The following EML1 variants were observed in gnomAD, a reference collection of about 807,000 sequenced individuals.
The protein encoded by EML1 is EMAP like 1, also known as echinoderm microtubule-associated protein-like 1.
In EML1, 27 loss-of-function variants were observed where a neutral mutation model predicts 110.4. That is an observed-to-expected ratio of 0.24 (90% CI 0.18 to 0.34). EML1 has a LOEUF of 0.34. Ranked by LOEUF, EML1 falls within the 10% of genes least tolerant of loss-of-function variation. The probability of loss-of-function intolerance (pLI) is 1.00; values close to 1 mark genes in which losing one functional copy is unlikely to be tolerated. For missense variants in EML1, 741 were observed against 1,030.9 expected (o/e 0.72, Z 3.85); for synonymous variants, 344 against 385.8 (o/e 0.89, Z 1.27).
At chr14:99,761,430 A>G (rs1855079934) in intron 1 of EML1, among the ~76,000 whole-genome samples, 1 of 152,140 alleles carries the variant, frequency 6.6e-6, no homozygotes, top group South Asian at 2.1e-4. Flanking sequence ...TCAGACACAG[A>G]CCAGGGTTGC....
chr14:99,889,973 C>G (rs906449218), intron 4 of EML1, among the ~76,000 whole-genome samples: 1 of 152,178 alleles, frequency 6.6e-6, no homozygotes, highest in African/African-American at 2.4e-5. Flanking sequence ...ACCCCATGTG[C>G]TGCAGGAAAT....
At chr14:99,856,062 A>G (rs982832303) in intron 2 of EML1, among the ~76,000 whole-genome samples, 2 of 152,076 alleles carry the variant, frequency 1.3e-5, no homozygotes, top group Non-Finnish European at 2.9e-5. Flanking sequence ...GGATGTATTC[A>G]CTCATTTCAC....
chr14:99,742,386 G>A (rs1023531047), intron 1 of EML1, among the ~76,000 whole-genome samples: 29 of 152,202 alleles, frequency 1.9e-4, no homozygotes, highest in African/African-American at 6.8e-4. Flanking sequence ...AGCTGGGGAT[G>A]GAGAAGGTAC....
At chr14:99,796,234 A>AGAGAGAGAGAAGG (rs2057772477) in intron 1 of EML1, among the ~76,000 whole-genome samples, 1 of 114,076 alleles carries the variant, frequency 8.8e-6, no homozygotes, top group Non-Finnish European at 2.0e-5. Context: ...GAGAGAGAAG[A>AGAGAGAGAGAAGG]TAATGTGTAA....
intron 4 of EML1, among the ~76,000 whole-genome samples, chr14:99,883,962 G>A (rs1415554012): frequency 6.6e-6 from 1 of 152,234 alleles, no homozygotes; most frequent in African/African-American, 2.4e-5. Flanking sequence ...ACAAAAGAAG[G>A]TTAAAATGAT....
intron 5 of EML1, chr14:99,892,231 G>A (rs1235705958): frequency 3.7e-5 from 36 of 983,678 alleles, no homozygotes; most frequent in Non-Finnish European, 4.2e-5. Flanking sequence ...AGCTCTCTGA[G>A]CAAAGCTGTT....
intron 17 of EML1, among the ~76,000 whole-genome samples, chr14:99,924,069 G>A (rs1352598687): frequency 6.6e-6 from 1 of 152,190 alleles, no homozygotes; most frequent in African/African-American, 2.4e-5. Flanking sequence ...CTTATCATGA[G>A]CAAAGACTGT....
At chr14:99,760,736 G>C (rs984856872) in intron 1 of EML1, among the ~76,000 whole-genome samples, 3 of 152,152 alleles carry the variant, frequency 2.0e-5, no homozygotes, top group African/African-American at 4.8e-5. Context: ...GTCTCGTCAA[G>C]TAAGCCCCAA....
chr14:99,755,801 C>T (rs922943820), intron 1 of EML1, among the ~76,000 whole-genome samples: 1 of 152,094 alleles, frequency 6.6e-6, no homozygotes, highest in Non-Finnish European at 1.5e-5. Context: ...GGTAGGTGTG[C>T]GGGGACCAAG....
At chr14:99,809,208 A>G (rs995246944) in intron 1 of EML1, among the ~76,000 whole-genome samples, 8 of 152,242 alleles carry the variant, frequency 5.3e-5, no homozygotes, top group African/African-American at 1.9e-4. Context: ...CCCTGCTTTA[A>G]GAAACCCCGA....
chr14:99,863,911 C>G (rs750520332), intron 2 of EML1, among the ~76,000 whole-genome samples: 1 of 152,262 alleles, frequency 6.6e-6, no homozygotes. Flanking sequence ...AACTGCCAGA[C>G]TGTCTTCCAC....
At chr14:99,898,058 G>A (rs1325489625) in intron 7 of EML1, among the ~76,000 whole-genome samples, 175 bp from the exon 8 acceptor site, 1 of 152,176 alleles carries the variant, frequency 6.6e-6, no homozygotes. Flanking sequence ...AAGATGAAAT[G>A]AATTAGGTAC....
chr14:99,819,496 C>T (rs1017734483), intron 1 of EML1, among the ~76,000 whole-genome samples: 1 of 152,140 alleles, frequency 6.6e-6, no homozygotes, highest in Admixed American at 6.5e-5. Context: ...TTTCTCTATA[C>T]GAATAAGGTG....
At chr14:99,785,260 G>C (rs912623179) in intron 1 of EML1, among the ~76,000 whole-genome samples, 7 of 152,078 alleles carry the variant, frequency 4.6e-5, no homozygotes, top group Non-Finnish European at 8.8e-5. Context: ...TCACCATGTT[G>C]GCCAGGCTGG....
chr14:99,859,982 C>A (rs1233069477), intron 2 of EML1, among the ~76,000 whole-genome samples: 1 of 152,216 alleles, frequency 6.6e-6, no homozygotes, highest in Non-Finnish European at 1.5e-5. Flanking sequence ...GTCCTCACAG[C>A]AGCCCTGCAA....
intron 1 of EML1, among the ~76,000 whole-genome samples, chr14:99,749,048 G>A (rs761746767): frequency 1.1e-4 from 16 of 152,156 alleles, no homozygotes; most frequent in African/African-American, 2.9e-4. Flanking sequence ...TGTTTCACTC[G>A]TCTGTTCACC....
chr14:99,898,396 T>A, intron 8 of EML1, 94 bp downstream of exon 8: 4 of 1,222,190 alleles, frequency 3.3e-6, no homozygotes, highest in Non-Finnish European at 4.5e-6. Context: ...GCTGCTTAGA[T>A]ATAATTATGG....
At chr14:99,774,556 A>G (rs1183466009) in intron 1 of EML1, among the ~76,000 whole-genome samples, 1 of 152,080 alleles carries the variant, frequency 6.6e-6, no homozygotes, top group Non-Finnish European at 1.5e-5. Flanking sequence ...CATGCTTGGC[A>G]CGGGAGCAGC....
In EML1 at chr14:99,923,963, A is replaced by G. The variant is rs115784577; in HGVS notation, c.1909+3086A>G. ...GGCACCACACTAGGCCAGCTCGTCAATTTCTAACTTTGAAAAGCCTGTTAG... is the reference window on the plus strand; with the variant it reads ...GGCACCACACTAGGCCAGCTCGTCAGTTTCTAACTTTGAAAAGCCTGTTAG... On this transcript the variant is annotated intron_variant, in intron 17 of 21. Transcript: ENST00000262233. 2.7e-3 allele frequency among the ~76,000 whole-genome samples: 411 copies of G among 152,322 alleles called. 1 individual carries two copies. The highest frequency in any genetic ancestry group is 9.6e-3 in the African/African-American group (398 of 41,564).
Sources: allele counts gnomAD v4.1 joint callset (sites outside exome capture counted in the v4.1 genomes callset), GRCh38; gene constraint gnomAD v4.1.1; transcripts MANE v1.5; gene names NCBI Gene and HGNC (gene_info 2026-07-23, HGNC 2026-07-21).